The following DRP2 variants were observed in gnomAD, a reference collection of about 807,000 sequenced individuals.
DRP2 encodes the protein dystrophin related protein 2, also known as dystrophin-related protein 2.
A neutral mutation model predicts 78.2 loss-of-function variants in DRP2; 29 were observed. That is an observed-to-expected ratio of 0.37 (90% CI 0.28 to 0.51). DRP2 has a LOEUF of 0.51. DRP2 is among the 20% of genes least tolerant of loss of function. DRP2 has a pLI of 0.94. For synonymous variants in DRP2, 290 were observed against 281.9 expected (o/e 1.03, Z -0.29); for missense variants, 686 against 770.6 (o/e 0.89, Z 1.30).
chrX:101,260,087 G>A lies in DRP2; in HGVS notation c.2667G>A (p.Ser889=), dbSNP rs749273269. The A allele has an allele frequency of 7.4e-6, 9 of 1,209,328 alleles. No individual in the cohort carries two copies. In the South Asian group the frequency reaches 8.8e-5, roughly 12 times the overall value. The change falls in exon 23 of 24, where the codon TCG becomes TCA. Residue 889 remains serine (S), a synonymous_variant. Transcript: ENST00000395209. ...CAGATGGCAGTGGCTCTGCAGGCTC[G>A]TCCCTAGCTTCCTCTCCACAGCAGT... The part of the protein sequence containing the change: ...TESDGSGSAG[S]SLASSPQQSE...
Position 101,242,982 on chromosome X carries a change from T to A in DRP2, c.1054T>A (p.Ser352Thr). 1 of 1,209,684 alleles carries A rather than the reference T, an allele frequency of 8.3e-7. No homozygotes were observed. The change falls in exon 9 of 24, where the codon TCC becomes ACC. Residue 352 changes from serine to threonine, a missense_variant and splice_region_variant. Transcript: ENST00000395209. Reference sequence around the variant, plus strand: ...GCCTGGGTCACAGCACTTTCTCTCCTGTACGTGAACCAAACTGGACTCCAC... The same window carrying A: ...GCCTGGGTCACAGCACTTTCTCTCCAGTACGTGAACCAAACTGGACTCCAC... ...FGPGSQHFLS[S>T]SVQVPWERAI...
chrX:101,262,446 C>T lies in DRP2; in HGVS notation c.*1825C>T, dbSNP rs917027784. The T allele has an allele frequency of 9.0e-6, 1 of 111,693 alleles. No homozygotes were observed. The highest frequency in any genetic ancestry group is 3.3e-5 in the African/African-American group (1 of 30,694). The allele number at this position is 111,693 out of a possible 1,213,427, so 9.2% of individuals were successfully genotyped here. On this transcript the variant is annotated 3_prime_UTR_variant, in exon 24 of 24. Transcript: ENST00000395209. Reference sequence around the variant, plus strand: ...GAACATTCTCTGGTCCCTTCCAGCTCTTATGGTCTCACTCAGGGCTAAAGA... The same window carrying T: ...GAACATTCTCTGGTCCCTTCCAGCTTTTATGGTCTCACTCAGGGCTAAAGA...
Position 101,260,163 on chromosome X carries a change from G to C in DRP2, c.2743G>C (p.Ala915Pro). 2 of 1,211,197 alleles carry C rather than the reference G, an allele frequency of 1.7e-6. No homozygotes were observed. The highest frequency in any genetic ancestry group is 4.3e-5 in the Admixed American group (2 of 45,995). The change falls in exon 23 of 24, where the codon GCT becomes CCT. Residue 915 changes from alanine to proline, a missense_variant. Physicochemically the swap from Ala to Pro is conservative, Grantham distance 27 (BLOSUM62 -1). Transcript: ENST00000395209. The stretch of plus-strand genomic sequence containing the variant: ...GGGACAGACTACTCCAGATACCGAG[G>C]CTGCAGGTGAGTTCCCCTGGCCTTT... ...EKGQTTPDTE[A>P]ADDVGSKSQD...
chrX:101,242,909 A>G lies in DRP2; in HGVS notation c.981A>G (p.Ser327=), dbSNP rs78348084. ...INVRWKQLQA[S]VSERLKQLQD... is the part of the protein sequence containing the mutation. ...TCACCCTGTTCTTTCCATAGGCGTCAGTTAGTGAGAGGCTTAAGCAGCTCC... is the reference window on the plus strand; with the variant it reads ...TCACCCTGTTCTTTCCATAGGCGTCGGTTAGTGAGAGGCTTAAGCAGCTCC... The change falls in exon 9 of 24, where the codon TCA becomes TCG. Residue 327 remains serine (S), a synonymous_variant. Coordinates refer to ENST00000395209, the MANE Select transcript of DRP2 (RefSeq NM_001939.3). 2.9e-4 allele frequency: 351 copies of G among 1,208,325 alleles called. No homozygotes were observed. In the East Asian group the frequency reaches 9.2e-3, roughly 32 times the overall value.
chrX:101,254,079 C>G (rs911713522), intron 17 of DRP2, among the ~76,000 whole-genome samples: 1 of 111,138 alleles, frequency 9.0e-6, no homozygotes, highest in Admixed American at 9.6e-5. Flanking sequence ...CCCAGGAGTT[C>G]AAGACCGGCC....
intron 1 of DRP2, among the ~76,000 whole-genome samples, chrX:101,220,702 T>C (rs1328001298): frequency 9.0e-6 from 1 of 110,725 alleles, no homozygotes; most frequent in East Asian, 2.9e-4. Context: ...ACACAGGAGT[T>C]CTTTGCTGAA....
rs373450936 is a variant in DRP2, at chrX:101,254,505, C to T, written c.2058C>T (p.His686=). Reference sequence around the variant, plus strand: ...GCTCCAAGCATTATTTCAGCAAACACCCTCAGCGAGGTTATCTGCCTGTGC... The same window carrying T: ...GCTCCAAGCATTATTTCAGCAAACATCCTCAGCGAGGTTATCTGCCTGTGC... ...KFRSKHYFSK[H]PQRGYLPVQS... The change falls in exon 18 of 24, where the codon CAC becomes CAT. Residue 686 remains histidine (H), a synonymous_variant. Transcript: ENST00000395209. 3 of 1,210,569 alleles carry T rather than the reference C, an allele frequency of 2.5e-6. No homozygotes were observed. Among genetic ancestry groups the T allele is most frequent in the South Asian group, 1.8e-5 (1 of 56,842 alleles).
intron 14 of DRP2, among the ~76,000 whole-genome samples, chrX:101,248,963 A>G (rs1048677589): frequency 8.9e-6 from 1 of 112,241 alleles, no homozygotes; most frequent in Non-Finnish European, 1.9e-5. Flanking sequence ...AGCTCAAGCC[A>G]TGTCACTAGA....
At chrX:101,228,013 G>A (rs184595800) in intron 2 of DRP2, among the ~76,000 whole-genome samples, 1 of 112,305 alleles carries the variant, frequency 8.9e-6, no homozygotes, top group Admixed American at 9.4e-5. Context: ...TTAAGGAAAC[G>A]CAAAGTAATC....
In DRP2 at chrX:101,264,327, G is replaced by A. The variant is rs1474769244; in HGVS notation, c.*3706G>A. ...TGCTGGCTACAAGAACTGGTCACAGGATGAAAATTGGGGAAAGGATTTGGG... is the reference window on the plus strand; with the variant it reads ...TGCTGGCTACAAGAACTGGTCACAGAATGAAAATTGGGGAAAGGATTTGGG... On this transcript the variant is annotated 3_prime_UTR_variant, in exon 24 of 24. Transcript: ENST00000395209. The A allele has an allele frequency of 8.9e-6, 1 of 111,747 alleles. No individual in the cohort carries two copies. Among genetic ancestry groups the A allele is most frequent in the Non-Finnish European group, 1.9e-5 (1 of 53,157 alleles). The allele number at this position is 111,747 out of a possible 1,213,427, so 9.2% of individuals were successfully genotyped here. A position where few individuals can be genotyped will look rare whatever the true frequency, so the allele number is the denominator to read the frequency against.
intron 9 of DRP2, among the ~76,000 whole-genome samples, chrX:101,243,432 C>T (rs1339541068): frequency 9.5e-6 from 1 of 105,009 alleles, no homozygotes; most frequent in Non-Finnish European, 1.9e-5. Context: ...TCTCTCAAAT[C>T]GGAGAGATCT....
intron 20 of DRP2, 21 bp from the exon 21 acceptor site, chrX:101,256,097 G>C: frequency 8.7e-7 from 1 of 1,150,350 alleles, no homozygotes; most frequent in Non-Finnish European, 1.2e-6. Context: ...CACCTACTCT[G>C]CTTTCCCCAC....
At chrX:101,246,665 TC>T (rs2147344975) in intron 11 of DRP2, among the ~76,000 whole-genome samples, 1 of 112,442 alleles carries the variant, frequency 8.9e-6, no homozygotes, top group East Asian at 2.8e-4. Context: ...ATGCAACAGA[TC>T]CTTAGCAAGA....
intron 22 of DRP2, among the ~76,000 whole-genome samples, chrX:101,259,665 A>C (rs1447589646): frequency 1.8e-5 from 2 of 110,806 alleles, no homozygotes; most frequent in Non-Finnish European, 3.8e-5. Flanking sequence ...TGCCCGGCTA[A>C]TTTTGTATTT....
At chrX:101,250,704 A>G (rs1294554647) in intron 15 of DRP2, 124 bp downstream of exon 15, 18 of 991,308 alleles carry the variant, frequency 1.8e-5, no homozygotes, top group Non-Finnish European at 2.4e-5. Context: ...GTTTATTGGG[A>G]TGGAACAACA....
intron 14 of DRP2, 82 bp from the exon 15 acceptor site, chrX:101,250,341 T>A: frequency 8.6e-7 from 1 of 1,166,730 alleles, no homozygotes; most frequent in Non-Finnish European, 1.2e-6. Context: ...CTTTCCCTAT[T>A]TTCCTTTTCT....
At chrX:101,220,274 AGTGTGTGTGTGCGTGTGTGTGTGTGT>A (rs1921842497) in intron 1 of DRP2, 128 bp downstream of exon 1, 1 of 86,227 alleles carries the variant, frequency 1.2e-5, no homozygotes, top group Non-Finnish European at 2.2e-5. Flanking sequence ...AGGGAAAATG[AGTGTGTGTGTGCGTGTGTGTGTGTGT>A]GTGTGTGTGT....
At chrX:101,240,417 G>T (rs5921757) in intron 6 of DRP2, among the ~76,000 whole-genome samples, 46,521 of 110,978 alleles carry the variant, frequency 0.42, 8,233 homozygotes, top group East Asian at 0.9. Flanking sequence ...TGTGTTTTTT[G>T]AAGAGACCAG....
chrX:101,243,359 G>A (rs1327318620), intron 9 of DRP2, among the ~76,000 whole-genome samples: 1 of 102,689 alleles, frequency 9.7e-6, no homozygotes, highest in Non-Finnish European at 2.0e-5. Flanking sequence ...CCAGGAGGTG[G>A]AGGTTGCAGC....
Sources: gnomAD v4.1 joint callset for allele counts (sites outside exome capture counted in the v4.1 genomes callset) on GRCh38, gnomAD v4.1.1 for gene constraint, MANE v1.5 for transcripts, NCBI Gene and HGNC (gene_info 2026-07-23, HGNC 2026-07-21) for gene names.